Variants in TPP2 observed in about 807,000 individuals in gnomAD.
The protein encoded by TPP2 is tripeptidyl-peptidase 2.
In TPP2, 34 loss-of-function variants were observed where a neutral mutation model predicts 155.9. The observed-to-expected ratio is 0.22, with a 90% CI of 0.17 to 0.29. The LOEUF (loss-of-function observed/expected upper bound fraction) is 0.29. TPP2 is among the 10% of genes least tolerant of loss of function. TPP2 has a pLI of 1.00. For missense variants in TPP2, 1,028 were observed against 1,522.3 expected (o/e 0.68, Z 5.40); for synonymous variants, 510 against 529.4 (o/e 0.96, Z 0.50).
rs1879004958 is a variant in TPP2 at position 102,597,080 on chromosome 13, T to G, written c.42T>G (p.Gly14=). 1 of 1,611,514 alleles carries G rather than the reference T, an allele frequency of 6.2e-7. No individual in the cohort carries two copies. Among genetic ancestry groups the G allele is most frequent in the Admixed American group, 1.7e-5 (1 of 59,984 alleles). The change falls in exon 1 of 30, where the codon GGT becomes GGG. Residue 14 remains glycine, a synonymous_variant. Coordinates refer to ENST00000376052, the MANE Select transcript of TPP2 (RefSeq NM_001330588.2). The part of the protein sequence containing the change: ...AATEEPFPFH[G]LLPKKETGAA... ...CTGAGGAGCCCTTCCCTTTTCACGG[T>G]CTCCTGCCGAAGAAGGAGACCGGAG...
At chr13:102,651,447 A>G (rs760973654) in intron 24 of TPP2, 50 bp downstream of exon 24, 1 of 1,544,082 alleles carries the variant, frequency 6.5e-7, no homozygotes, top group Non-Finnish European at 8.7e-7. Context: ...TTATTTGCAT[A>G]TTAAACTTTT....
chr13:102,678,427 A>G lies in TPP2; in HGVS notation c.*111A>G. 1.2e-6 allele frequency: 1 copy of G among 803,710 alleles called. No homozygotes were observed. Among genetic ancestry groups the G allele is most frequent in the Non-Finnish European group, 2.0e-6 (1 of 505,702 alleles). 49.8% of individuals were successfully genotyped at this position (803,710 alleles called of 1,614,324 possible). A position where few individuals can be genotyped will look rare whatever the true frequency, so the allele number is the denominator to read the frequency against. On this transcript the variant is annotated 3_prime_UTR_variant, in exon 30 of 30. Coordinates refer to ENST00000376052, the MANE Select transcript of TPP2 (RefSeq NM_001330588.2). ...TGCATGTTTTCATCCACTATCCAGT[A>G]CTGATTATTAAAATGACATGTATTT... is the stretch of plus-strand genomic sequence containing the variant.
At chr13:102,651,282 A>G in intron 23 of TPP2, 77 bp from the exon 24 acceptor site, 1 of 1,485,140 alleles carries the variant, frequency 6.7e-7, no homozygotes, top group Non-Finnish European at 9.1e-7. Context: ...AAACTGAAAG[A>G]CAATTAGACA....
At chr13:102,671,645 C>T (rs1884989494) in intron 27 of TPP2, among the ~76,000 whole-genome samples, 1 of 152,166 alleles carries the variant, frequency 6.6e-6, no homozygotes, top group Non-Finnish European at 1.5e-5. Flanking sequence ...CGTTACCAGG[C>T]AGGCCAAGAG....
chr13:102,645,837 A>C (rs932020371), intron 19 of TPP2, among the ~76,000 whole-genome samples: 1 of 152,196 alleles, frequency 6.6e-6, no homozygotes, highest in Admixed American at 6.5e-5. Flanking sequence ...ATGAAATAAC[A>C]TTCCCTCGGC....
intron 1 of TPP2, 56 bp from the exon 2 acceptor site, chr13:102,604,736 GT>G: frequency 6.4e-7 from 1 of 1,557,790 alleles, no homozygotes; most frequent in Non-Finnish European, 8.7e-7. Context: ...GATTTGCATT[GT>G]TTAGGAATAA....
chr13:102,635,796 C>T, intron 12 of TPP2, 94 bp downstream of exon 12: 1 of 936,366 alleles, frequency 1.1e-6, no homozygotes, highest in Non-Finnish European at 1.6e-6. Context: ...AACAGTGATT[C>T]AGTATATCTG....
At position 102,664,902 on chromosome 13, in the gene TPP2, G is replaced by A. The variant is rs1236517011; in HGVS notation, c.3348G>A (p.Arg1116=). Residue 1116 remains arginine (R), a synonymous_variant, in exon 27 of 30, where the codon AGG becomes AGA. Transcript: ENST00000376052. ...AVYIAMKTDP[R]PDAATIKNDM... is the part of the protein sequence containing the mutation. The stretch of plus-strand genomic sequence containing the variant: ...ATATTGCAATGAAGACTGATCCCAG[G>A]CCTGATGCAGCTACTATAAAAAAGT... 2 of 1,612,928 alleles carry A rather than the reference G, an allele frequency of 1.2e-6. No individual in the cohort carries two copies. Among genetic ancestry groups the A allele is most frequent in the Non-Finnish European group, 1.7e-6 (2 of 1,179,650 alleles).
At chr13:102,637,791 T>G (rs1326431266) in intron 14 of TPP2, among the ~76,000 whole-genome samples, 2 of 152,208 alleles carry the variant, frequency 1.3e-5, no homozygotes, top group Non-Finnish European at 2.9e-5. Flanking sequence ...CCTCAAGTGA[T>G]CCTCCTGCCT....
At chr13:102,617,734 A>C (rs888890765) in intron 4 of TPP2, among the ~76,000 whole-genome samples, 3 of 152,254 alleles carry the variant, frequency 2.0e-5, no homozygotes, top group Admixed American at 2.0e-4. Context: ...AGTGCTTTTG[A>C]TCAAAGACGA....
intron 29 of TPP2, among the ~76,000 whole-genome samples, chr13:102,676,882 T>TTAG (rs1885307134): frequency 6.6e-6 from 1 of 152,174 alleles, no homozygotes; most frequent in African/African-American, 2.4e-5. Context: ...TCTGCACAAG[T>TTAG]TAGTTGTCAA....
At chr13:102,607,568 A>G in intron 2 of TPP2, 1 of 365,912 alleles carries the variant, frequency 2.7e-6, no homozygotes, top group South Asian at 2.0e-5. Context: ...AGCCATATAA[A>G]GTATTACTCG....
intron 1 of TPP2, among the ~76,000 whole-genome samples, chr13:102,602,822 A>G (rs867670945): frequency 3.9e-5 from 6 of 152,304 alleles, no homozygotes; most frequent in Middle Eastern, 3.4e-3. Flanking sequence ...TTGGAGTCTG[A>G]AGACTGTGCT....
At chr13:102,599,999 A>C (rs981673123) in intron 1 of TPP2, among the ~76,000 whole-genome samples, 8 of 152,038 alleles carry the variant, frequency 5.3e-5, no homozygotes, top group South Asian at 2.1e-4. Context: ...AAAAAAAAAA[A>C]AACCTTGTAT....
chr13:102,656,685 A>G (rs1329407206), intron 24 of TPP2, among the ~76,000 whole-genome samples: 1 of 152,192 alleles, frequency 6.6e-6, no homozygotes, highest in Non-Finnish European at 1.5e-5. Context: ...ATTTACTTAG[A>G]GAATCTTTTC....
intron 1 of TPP2, among the ~76,000 whole-genome samples, chr13:102,599,223 G>A (rs142468544): frequency 2.0e-5 from 3 of 152,270 alleles, no homozygotes; most frequent in East Asian, 3.9e-4. Context: ...CAACTATTTG[G>A]AGGGTAAATA....
At chr13:102,671,738 C>T (rs923050604) in intron 27 of TPP2, among the ~76,000 whole-genome samples, 3 of 152,094 alleles carry the variant, frequency 2.0e-5, no homozygotes, top group African/African-American at 4.8e-5. Flanking sequence ...TATTGGAGGA[C>T]GGGGCTCAGG....
At chr13:102,600,067 T>TA (rs3837570) in intron 1 of TPP2, among the ~76,000 whole-genome samples, 14 of 149,384 alleles carry the variant, frequency 9.4e-5, no homozygotes, top group Middle Eastern at 3.5e-3. Context: ...GTGTAAAAAT[T>TA]AAAAAAAAAA....
chr13:102,623,092 T>C (rs1810010122), intron 6 of TPP2, 52 bp downstream of exon 6: 1 of 1,549,616 alleles, frequency 6.5e-7, no homozygotes, highest in South Asian at 1.2e-5. Context: ...GGTGATAAAG[T>C]GGTACGTTGC....
Sources: allele counts gnomAD v4.1 joint callset (sites outside exome capture counted in the v4.1 genomes callset), GRCh38; gene constraint gnomAD v4.1.1; transcripts MANE v1.5; gene names NCBI Gene and HGNC (gene_info 2026-07-23, HGNC 2026-07-21).